Variants in NDUFAF2 observed in about 807,000 individuals in gnomAD.
NDUFAF2 encodes NADH dehydrogenase [ubiquinone] 1 alpha subcomplex assembly factor 2.
A neutral mutation model predicts 22.8 loss-of-function variants in NDUFAF2; 13 were observed. The ratio of observed to expected loss-of-function variants is 0.57; its 90% confidence interval spans 0.37 to 0.91. The LOEUF (loss-of-function observed/expected upper bound fraction) is 0.91. NDUFAF2 is among the 40% of genes least tolerant of loss of function. The probability of loss-of-function intolerance (pLI) is 0.01; values close to 1 mark genes in which losing one functional copy is unlikely to be tolerated. For synonymous variants in NDUFAF2, 53 were observed against 64.2 expected, an observed-to-expected ratio of 0.83 and a Z score of 0.84; for missense variants, 162 against 195.2, an observed-to-expected ratio of 0.83 and a Z score of 1.01.
chr5:60,972,717 T>A, intron 1 of NDUFAF2, among the ~76,000 whole-genome samples: 1 of 152,010 alleles, frequency 6.6e-6, no homozygotes, highest in East Asian at 1.9e-4. Context: ...GTTTTTAATC[T>A]CTTTTTTTAA....
chr5:61,106,183 G>C (rs1211724983), intron 3 of NDUFAF2, among the ~76,000 whole-genome samples: 2 of 151,360 alleles, frequency 1.3e-5, no homozygotes, highest in Admixed American at 1.3e-4. Flanking sequence ...AAACTCTGTT[G>C]GGGAGCAGGC....
chr5:60,947,020 A>G (rs899924789), intron 1 of NDUFAF2, among the ~76,000 whole-genome samples: 2 of 152,168 alleles, frequency 1.3e-5, no homozygotes, highest in African/African-American at 4.8e-5. Flanking sequence ...TTATCTGTTC[A>G]CAAGCTGAAG....
chr5:61,040,302 G>GCGCGCGCGCGCGCGC (rs1491236283), intron 1 of NDUFAF2, among the ~76,000 whole-genome samples: 3 of 146,366 alleles, frequency 2.0e-5, no homozygotes, highest in African/African-American at 7.6e-5. Flanking sequence ...GCGCGCGCGC[G>GCGCGCGCGCGCGCGC]AAAGTTGAAA....
At chr5:61,112,664 T>C (rs1390615689) in intron 3 of NDUFAF2, among the ~76,000 whole-genome samples, 1 of 152,190 alleles carries the variant, frequency 6.6e-6, no homozygotes, top group Non-Finnish European at 1.5e-5. Context: ...GGTGTGTTTC[T>C]TGTAGACAAC....
intron 1 of NDUFAF2, among the ~76,000 whole-genome samples, chr5:60,954,201 G>A (rs908519675): frequency 1.3e-5 from 2 of 152,132 alleles, no homozygotes; most frequent in Non-Finnish European, 2.9e-5. Context: ...GACCTATGAT[G>A]TGGCTAGGTG....
chr5:61,071,004 A>G lies in NDUFAF2; in HGVS notation c.128-2121A>G, dbSNP rs1459920627. Among the ~76,000 whole-genome samples, 9 of 152,308 alleles carry G rather than the reference A, an allele frequency of 5.9e-5. No homozygotes were observed. The East Asian group carries it at 1.5e-3, about 26-fold the overall frequency. ...TCGGTATTTGACTAACACATTTTGA[A>G]AATTGTCACATAAGCTTACTTTAAT... On this transcript the variant is annotated intron_variant, in intron 1 of 3. Coordinates refer to ENST00000296597, the MANE Select transcript of NDUFAF2 (RefSeq NM_174889.5).
chr5:61,109,230 A>T (rs577513146), intron 3 of NDUFAF2, among the ~76,000 whole-genome samples: 3 of 152,134 alleles, frequency 2.0e-5, no homozygotes, highest in Non-Finnish European at 1.5e-5. Context: ...TGTAAATGGG[A>T]TTACTTCCCT....
chr5:61,125,666 A>T (rs1579843525), intron 3 of NDUFAF2, among the ~76,000 whole-genome samples: 1 of 152,274 alleles, frequency 6.6e-6, no homozygotes, highest in East Asian at 1.9e-4. Flanking sequence ...AAAGAAATAG[A>T]GATTCCCACA....
At chr5:61,035,452 T>TTTTTTTTTTTTTTTTTAA in intron 1 of NDUFAF2, among the ~76,000 whole-genome samples, 1 of 138,848 alleles carries the variant, frequency 7.2e-6, no homozygotes, top group African/African-American at 2.7e-5. Context: ...TTTTTTTTTT[T>TTTTTTTTTTTTTTTTTAA]GGTAAAGGGC....
intron 1 of NDUFAF2, among the ~76,000 whole-genome samples, chr5:61,068,506 G>A (rs964097748): frequency 1.8e-4 from 27 of 152,086 alleles, no homozygotes; most frequent in South Asian, 8.3e-4. Context: ...AAATACATGC[G>A]CACATGTATA....
rs151257097 is a variant in NDUFAF2 at position 61,055,179 on chromosome 5, TTA to T, written c.128-17942_128-17941del. On this transcript the variant is annotated intron_variant, in intron 1 of 3. Coordinates refer to ENST00000296597, the MANE Select transcript of NDUFAF2 (RefSeq NM_174889.5). The stretch of plus-strand genomic sequence containing the variant: ...TGCCACTACAGAAGACTTTATACTT[TTA>T]TATGTTTTAATAATATGGCAAGTTT... 7.5e-3 allele frequency among the ~76,000 whole-genome samples: 1,136 copies of T among 152,348 alleles called. 13 individuals carry two copies. Among genetic ancestry groups the T allele is most frequent in the African/African-American group, 0.026 (1,061 of 41,590 alleles).
chr5:61,140,402 A>G (rs1196646912), intron 3 of NDUFAF2, among the ~76,000 whole-genome samples: 1 of 152,136 alleles, frequency 6.6e-6, no homozygotes, highest in Non-Finnish European at 1.5e-5. Flanking sequence ...GCACCTCTCC[A>G]ATCTAATTTC....
intron 1 of NDUFAF2, among the ~76,000 whole-genome samples, chr5:60,959,656 G>T (rs1750659318): frequency 6.6e-6 from 1 of 151,968 alleles, no homozygotes; most frequent in South Asian, 2.1e-4. Flanking sequence ...GCTAAAACAT[G>T]CCTTCGGTTT....
In NDUFAF2 at chr5:61,064,414, G is replaced by A. The variant is rs1428651207; in HGVS notation, c.128-8711G>A. ...CACTTGGAACTAACAGACATCTTCA[G>A]AACTTTGCATCCAACAACAACAGAA... On this transcript the variant is annotated intron_variant, in intron 1 of 3. Coordinates refer to ENST00000296597, the MANE Select transcript of NDUFAF2 (RefSeq NM_174889.5). 2.6e-5 allele frequency among the ~76,000 whole-genome samples: 4 copies of A among 152,076 alleles called. No homozygotes were observed. The East Asian group carries it at 5.8e-4, about 22-fold the overall frequency.
intron 1 of NDUFAF2, among the ~76,000 whole-genome samples, chr5:61,060,689 A>G (rs1752153006): frequency 6.6e-6 from 1 of 151,934 alleles, no homozygotes; most frequent in Non-Finnish European, 1.5e-5. Flanking sequence ...CTCTCTTTCA[A>G]CCCCAAAGTC....
intron 1 of NDUFAF2, among the ~76,000 whole-genome samples, chr5:60,961,594 CAAAAAAA>C (rs36041608): frequency 3.5e-5 from 2 of 56,698 alleles, no homozygotes; most frequent in Non-Finnish European, 6.6e-5. Flanking sequence ...GACTCTGTCT[CAAAAAAA>C]AAAAAAAAAA....
intron 2 of NDUFAF2, among the ~76,000 whole-genome samples, chr5:61,094,100 A>G (rs994294576): frequency 6.6e-6 from 1 of 151,994 alleles, no homozygotes; most frequent in Non-Finnish European, 1.5e-5. Context: ...GGTCAGCGAT[A>G]CCCCGTATCT....
chr5:61,018,717 C>T (rs2112602276), intron 1 of NDUFAF2, among the ~76,000 whole-genome samples: 1 of 152,038 alleles, frequency 6.6e-6, no homozygotes, highest in South Asian at 2.1e-4. Flanking sequence ...TCTCATTCAC[C>T]TCTATATGGA....
At chr5:60,967,398 T>G (rs1287174333) in intron 1 of NDUFAF2, among the ~76,000 whole-genome samples, 1 of 152,068 alleles carries the variant, frequency 6.6e-6, no homozygotes, top group Non-Finnish European at 1.5e-5. Context: ...TGGTGAGAGG[T>G]GAGCATCCTT....
Sources: gnomAD v4.1 joint callset for allele counts (sites outside exome capture counted in the v4.1 genomes callset) on GRCh38, gnomAD v4.1.1 for gene constraint, MANE v1.5 for transcripts, NCBI Gene and HGNC (gene_info 2026-07-23, HGNC 2026-07-21) for gene names.